The following OVCH1 variants were observed in gnomAD, a reference collection of about 807,000 sequenced individuals.
The protein encoded by OVCH1 is ovochymase 1.
OVCH1 carries 139 observed loss-of-function variants against 138.4 expected under a neutral mutation model. The ratio of observed to expected loss-of-function variants is 1.00; its 90% CI spans 0.87 to 1.16. The LOEUF (loss-of-function observed/expected upper bound fraction) is 1.16. Among genes scored for constraint, OVCH1 ranks in the 50% most tolerant of loss-of-function variants. The pLI is 0.00. For missense variants in OVCH1, 1,367 were observed against 1,357.9 expected (o/e 1.01, Z -0.11); for synonymous variants, 453 against 467.8 (o/e 0.97, Z 0.41).
Position 29,455,029 on chromosome 12 carries a change from GAAAC to G in OVCH1, c.2438-100_2438-97del, listed in dbSNP as rs1485770305. 5 of 1,236,914 alleles carry G rather than the reference GAAAC, an allele frequency of 4.0e-6. No homozygotes were observed. In the African/African-American group the frequency reaches 6.2e-5, roughly 15 times the overall value. The allele number at this position is 1,236,914 out of a possible 1,614,324, so 76.6% of individuals were successfully genotyped here. The stretch of plus-strand genomic sequence containing the variant: ...AGCCACTATCAAAAGAAACAAAAAA[GAAAC>G]AAATCCAGGATTAAAGCAGCCTAAG... On this transcript the variant is annotated intron_variant, in intron 20 of 27. Transcript: ENST00000318184.
At chr12:29,449,726 A>G (rs1941726035) in intron 22 of OVCH1, among the ~76,000 whole-genome samples, 1 of 152,214 alleles carries the variant, frequency 6.6e-6, no homozygotes, top group Non-Finnish European at 1.5e-5. Context: ...AGCAAAAGGA[A>G]CAAAGCTGGA....
At chr12:29,496,386 A>G in intron 2 of OVCH1, 108 bp from the exon 3 acceptor site, 1 of 1,189,374 alleles carries the variant, frequency 8.4e-7, no homozygotes, top group Admixed American at 2.1e-5. Flanking sequence ...TATTCTTAAA[A>G]TACCGACATA....
exon 15 of OVCH1, chr12:29,473,055 A>T (rs1238531938): frequency 1.2e-6 from 2 of 1,611,436 alleles, no homozygotes; most frequent in South Asian, 2.2e-5. Flanking sequence ...TACGGTAGAT[A>T]CAGGATTGTT....
At position 29,455,171 on chromosome 12, in the gene OVCH1, TTTATACCACA is replaced by T. The variant is rs915653118; in HGVS notation, c.2437+68_2437+77del. 8.1e-6 allele frequency: 12 copies of T among 1,478,630 alleles called. No homozygotes were observed. In the African/African-American group the frequency reaches 1.6e-4, roughly 19 times the overall value. 91.6% of individuals were successfully genotyped at this position (1,478,630 alleles called of 1,614,324 possible). On this transcript the variant is annotated intron_variant, in intron 20 of 27. Coordinates refer to ENST00000318184, the Ensembl canonical transcript of OVCH1. Reference sequence around the variant, plus strand: ...TCTATGGTTTTCTCTTTCATGCTAATTTATACCACACTCACTGTTCCCAAACCCACTCTAA... The same window carrying T: ...TCTATGGTTTTCTCTTTCATGCTAATCTCACTGTTCCCAAACCCACTCTAA...
intron 22 of OVCH1, 94 bp from the exon 23 acceptor site, chr12:29,445,497 G>T: frequency 8.1e-7 from 1 of 1,237,104 alleles, no homozygotes; most frequent in Non-Finnish European, 1.1e-6. Flanking sequence ...AACCCACGAG[G>T]TAGGAATTGA....
At chr12:29,473,163 C>CT in intron 14 of OVCH1, 60 bp from the exon 15 acceptor site, 3 of 1,183,310 alleles carry the variant, frequency 2.5e-6, no homozygotes, top group Non-Finnish European at 3.7e-6. Flanking sequence ...ACTGACCCCA[C>CT]TTGCTTACCC....
the OVCH1 span, among the ~76,000 whole-genome samples, chr12:29,403,292 G>T: frequency 2.6e-5 from 4 of 152,222 alleles, no homozygotes; most frequent in South Asian, 4.1e-4. Context: ...CTATAGGAAA[G>T]AAATCCTGAA....
At chr12:29,405,864 G>C in the OVCH1 span, among the ~76,000 whole-genome samples, 1 of 152,150 alleles carries the variant, frequency 6.6e-6, no homozygotes, top group Non-Finnish European at 1.5e-5. Flanking sequence ...ATAATGTTTA[G>C]AGGTTGACAA....
At chr12:29,412,932 C>G (rs978884026) in intron 3 of OVCH1, among the ~76,000 whole-genome samples, 13 of 152,028 alleles carry the variant, frequency 8.6e-5, no homozygotes, top group African/African-American at 3.1e-4. Flanking sequence ...ACTGTAGACT[C>G]TAACTCCTGG....
At chr12:29,453,309 C>T (rs1941851214) in intron 21 of OVCH1, among the ~76,000 whole-genome samples, 1 of 152,114 alleles carries the variant, frequency 6.6e-6, no homozygotes, top group African/African-American at 2.4e-5. Context: ...ACTCCTTATT[C>T]CTGGAAGATT....
At chr12:29,444,038 T>A (rs1448456579) in intron 24 of OVCH1, 107 bp downstream of exon 24, 3 of 1,306,994 alleles carry the variant, frequency 2.3e-6, no homozygotes, top group African/African-American at 3.0e-5. Context: ...CTATTCTTTT[T>A]GGAAAAAAGG....
At chr12:29,483,414 G>A (rs148967434) in intron 8 of OVCH1, among the ~76,000 whole-genome samples, 29 of 152,302 alleles carry the variant, frequency 1.9e-4, no homozygotes, top group African/African-American at 6.5e-4. Flanking sequence ...ATTATGAGCT[G>A]AAATTAAGCC....
At chr12:29,412,697 C>G (rs182594022) in exon 4 of OVCH1, 1 of 152,308 alleles carries the variant, frequency 6.6e-6, no homozygotes, top group East Asian at 1.9e-4. Context: ...TCATCTTCCT[C>G]TGGCACCAGA....
At chr12:29,455,328 A>T (rs1941916740) in exon 20 of OVCH1, 1 of 1,613,776 alleles carries the variant, frequency 6.2e-7, no homozygotes, top group African/African-American at 1.3e-5. Flanking sequence ...GGACACAGCC[A>T]GCTCCCCAGC....
intron 16 of OVCH1, among the ~76,000 whole-genome samples, chr12:29,471,069 G>GT (rs201689741): frequency 6.6e-6 from 1 of 151,988 alleles, no homozygotes; most frequent in East Asian, 1.9e-4. Context: ...GGGGTTGTTA[G>GT]TTTTTTTCCT....
intron 27 of OVCH1, among the ~76,000 whole-genome samples, chr12:29,433,116 C>G (rs966800460): frequency 6.6e-6 from 1 of 152,122 alleles, no homozygotes; most frequent in Non-Finnish European, 1.5e-5. Flanking sequence ...AGTAAACAAG[C>G]TTCCTCTGTT....
At chr12:29,404,621 A>G in the OVCH1 span, among the ~76,000 whole-genome samples, 1 of 152,184 alleles carries the variant, frequency 6.6e-6, no homozygotes, top group African/African-American at 2.4e-5. Flanking sequence ...AAGCATCTAT[A>G]TAAATGGCCA....
At chr12:29,481,958 T>A (rs1454262263) in intron 8 of OVCH1, among the ~76,000 whole-genome samples, 1 of 152,246 alleles carries the variant, frequency 6.6e-6, no homozygotes, top group Non-Finnish European at 1.5e-5. Context: ...GCTAGACTTT[T>A]ACCTGGATGA....
intron 7 of OVCH1, 78 bp downstream of exon 7, chr12:29,487,615 T>C (rs1943147998): frequency 1.5e-6 from 2 of 1,340,154 alleles, no homozygotes; most frequent in Non-Finnish European, 1.0e-6. Flanking sequence ...TTCTAAAGCT[T>C]AGTTCTGATA....
Sources: allele counts gnomAD v4.1 joint callset (sites outside exome capture counted in the v4.1 genomes callset), GRCh38; gene constraint gnomAD v4.1.1; transcripts MANE v1.5; gene names NCBI Gene and HGNC (gene_info 2026-07-23, HGNC 2026-07-21).